Variants in PTPRG observed in about 807,000 individuals in gnomAD.
PTPRG encodes the protein protein tyrosine phosphatase receptor type G.
In PTPRG, 102 loss-of-function variants were observed where a neutral mutation model predicts 165.3. The observed-to-expected ratio is 0.62, with a 90% CI of 0.53 to 0.73. PTPRG has a LOEUF of 0.73. Ranked by LOEUF, PTPRG falls within the 30% of genes least tolerant of loss-of-function variation. The pLI, the probability that PTPRG is intolerant of heterozygous loss-of-function variation, is 0.00. For synonymous variants in PTPRG, 675 were observed against 669.5 expected, an observed-to-expected ratio of 1.01 and a Z score of -0.13; for missense variants, 1,866 against 1,861.4, an observed-to-expected ratio of 1.00 and a Z score of -0.05.
intron 13 of PTPRG, among the ~76,000 whole-genome samples, chr3:62,223,410 T>G (rs1700692399): frequency 1.3e-5 from 2 of 152,198 alleles, no homozygotes; most frequent in African/African-American, 4.8e-5. Flanking sequence ...TTTTATAAAC[T>G]TATTTTGTGT....
chr3:61,932,788 A>C (rs1420680849), intron 2 of PTPRG, among the ~76,000 whole-genome samples: 1 of 152,128 alleles, frequency 6.6e-6, no homozygotes, highest in Non-Finnish European at 1.5e-5. Flanking sequence ...TTTCTCTCAC[A>C]GTTGCTTTGA....
At chr3:61,791,126 T>C (rs2034856479) in intron 2 of PTPRG, among the ~76,000 whole-genome samples, 1 of 152,228 alleles carries the variant, frequency 6.6e-6, no homozygotes, top group Admixed American at 6.5e-5. Context: ...ATTATTTGAC[T>C]TGACTTCTGC....
chr3:61,749,289 T>G (rs1313836404), intron 2 of PTPRG: 8 of 412,606 alleles, frequency 1.9e-5, no homozygotes, highest in Non-Finnish European at 2.7e-5. Context: ...TTTTCTGTTT[T>G]TTCAGGGGCT....
chr3:62,255,228 G>C lies in PTPRG; in HGVS notation c.2559+13G>C, dbSNP rs1341356731. The C allele has an allele frequency of 6.3e-7, 1 of 1,597,910 alleles. No homozygotes were observed. The highest frequency in any genetic ancestry group is 1.1e-5 in the South Asian group (1 of 89,204). ...TGAGGATTTTGAGGTATGTTTCAAG[G>C]CTGGAAGTTAACTTCCAGAAACCTA... On this transcript the variant is annotated intron_variant, in intron 16 of 29. Transcript: ENST00000474889. The surrounding 1 kb of genome is among the most constrained non-coding windows in gnomAD (Gnocchi z 4.0).
chr3:62,191,132 T>TGTCCCGTGCAC (rs1699802307), intron 8 of PTPRG, among the ~76,000 whole-genome samples: 1 of 151,520 alleles, frequency 6.6e-6, no homozygotes, highest in Non-Finnish European at 1.5e-5. Context: ...TGTGCGTGTG[T>TGTCCCGTGCAC]GCGTCTGTGT....
chr3:61,864,932 A>G lies in PTPRG; in HGVS notation c.190+115950A>G, dbSNP rs1296709616. Among the ~76,000 whole-genome samples the G allele has an allele frequency of 2.0e-5, 3 of 152,190 alleles. No individual in the cohort carries two copies. In the East Asian group the frequency reaches 5.8e-4, roughly 29 times the overall value. On this transcript the variant is annotated intron_variant, in intron 2 of 29. Coordinates refer to ENST00000474889, the MANE Select transcript of PTPRG (RefSeq NM_002841.4). ...CTCTGTCATGATATTTCAATGTCTCAGGAAGGCCCACCATGCCAGCATGCC... is the reference window on the plus strand; with the variant it reads ...CTCTGTCATGATATTTCAATGTCTCGGGAAGGCCCACCATGCCAGCATGCC...
At chr3:61,608,139 G>C (rs1053877355) in intron 1 of PTPRG, among the ~76,000 whole-genome samples, 3 of 151,482 alleles carry the variant, frequency 2.0e-5, no homozygotes, top group African/African-American at 2.4e-5. Flanking sequence ...AAGGCTTATC[G>C]GGGATGCTGT....
chr3:61,912,398 C>A (rs1290732606), intron 2 of PTPRG, among the ~76,000 whole-genome samples: 1 of 152,006 alleles, frequency 6.6e-6, no homozygotes, highest in African/African-American at 2.4e-5. Flanking sequence ...AAAAATTACT[C>A]ATGGATTTGC....
intron 2 of PTPRG, among the ~76,000 whole-genome samples, chr3:61,759,203 G>A (rs569165101): frequency 5.3e-5 from 8 of 152,218 alleles, no homozygotes; most frequent in Admixed American, 2.0e-4. Context: ...CCTATGTTTC[G>A]TTTACTTTAA....
intron 2 of PTPRG, among the ~76,000 whole-genome samples, chr3:61,842,218 C>T (rs781464796): frequency 6.6e-6 from 1 of 152,196 alleles, no homozygotes; most frequent in Non-Finnish European, 1.5e-5. Flanking sequence ...CTTCAAATAT[C>T]ACAATTCTAT....
At chr3:61,917,773 A>G (rs376661410) in intron 2 of PTPRG, among the ~76,000 whole-genome samples, 1 of 152,280 alleles carries the variant, frequency 6.6e-6, no homozygotes, top group South Asian at 2.1e-4. Flanking sequence ...CTTTACTAAA[A>G]ATACAAAACA....
At position 62,214,180 on chromosome 3, in the gene PTPRG, C is replaced by T. The variant is rs751600058; in HGVS notation, c.2156-4671C>T. ...GTTCTGTATGACTGCCACTTACACA[C>T]TCAGATGTTACAGAGAGGAGTCAGA... On this transcript the variant is annotated intron_variant, in intron 12 of 29. Transcript: ENST00000474889. This position sits in a 1 kb window ranked among gnomAD's most constrained non-coding sequence, Gnocchi z 5.2. Among the ~76,000 whole-genome samples the T allele has an allele frequency of 6.6e-6, 1 of 152,206 alleles. No individual in the cohort carries two copies. The highest frequency in any genetic ancestry group is 1.5e-5 in the Non-Finnish European group (1 of 68,046).
At chr3:61,581,609 CTTTTTTTTTT>C in intron 1 of PTPRG, among the ~76,000 whole-genome samples, 1 of 137,106 alleles carries the variant, frequency 7.3e-6, no homozygotes, top group African/African-American at 2.7e-5. Context: ...TTCTTTTTTT[CTTTTTTTTTT>C]TTTTTTTTAT....
intron 2 of PTPRG, among the ~76,000 whole-genome samples, chr3:61,976,206 C>A (rs1240266600): frequency 6.6e-6 from 1 of 152,126 alleles, no homozygotes; most frequent in African/African-American, 2.4e-5. Flanking sequence ...ATTGAAAAAC[C>A]CTTCCCTGGG....
intron 1 of PTPRG, among the ~76,000 whole-genome samples, chr3:61,694,008 C>CAAAA (rs1163062978): frequency 6.1e-5 from 4 of 65,478 alleles, no homozygotes; most frequent in African/African-American, 2.2e-4. Context: ...ACTCCATCTC[C>CAAAA]AAAAAAAAAA....
chr3:62,019,575 G>GTA (rs1286726285), intron 4 of PTPRG, among the ~76,000 whole-genome samples: 1 of 150,020 alleles, frequency 6.7e-6, no homozygotes, highest in Non-Finnish European at 1.5e-5. Flanking sequence ...GAGATCTGTT[G>GTA]TATAACAGGG....
intron 5 of PTPRG, among the ~76,000 whole-genome samples, chr3:62,121,049 AT>A (rs902959097): frequency 2.0e-5 from 3 of 150,476 alleles, no homozygotes; most frequent in Non-Finnish European, 4.4e-5. Context: ...GGTTCATGCC[AT>A]TCTCCTGCCT....
chr3:62,065,698 G>T (rs1198381480), intron 4 of PTPRG, among the ~76,000 whole-genome samples: 1 of 152,140 alleles, frequency 6.6e-6, no homozygotes, highest in Non-Finnish European at 1.5e-5. Context: ...CATGTGCTTA[G>T]CTTTGTAAGG....
At chr3:61,569,121 A>T (rs1261776616) in intron 1 of PTPRG, among the ~76,000 whole-genome samples, 1 of 152,168 alleles carries the variant, frequency 6.6e-6, no homozygotes, top group Non-Finnish European at 1.5e-5. Context: ...GAGAGTTGCC[A>T]TACTATTTTG....
Sources: gnomAD v4.1 joint callset for allele counts (sites outside exome capture counted in the v4.1 genomes callset) on GRCh38, gnomAD v4.1.1 for gene constraint, Gnocchi (gnomAD v3.1) non-coding constraint, MANE v1.5 for transcripts, NCBI Gene and HGNC (gene_info 2026-07-23, HGNC 2026-07-21) for gene names.